ACYP2: variants seen among roughly 807,000 people sequenced by gnomAD.
The protein encoded by ACYP2 is acylphosphatase-2.
In ACYP2, 12 loss-of-function variants were observed where a neutral mutation model predicts 11.2. That is an observed-to-expected ratio of 1.08 (90% CI 0.69 to 1.74). The LOEUF is 1.74. ACYP2 is among the 40% of genes most tolerant of loss of function. The probability of loss-of-function intolerance (pLI) is 0.00; values close to 1 mark genes in which losing one functional copy is unlikely to be tolerated. For missense variants in ACYP2, 134 were observed against 101.9 expected (o/e 1.31, Z -1.35); for synonymous variants, 43 against 32.2 (o/e 1.33, Z -1.13).
chr2:54,216,880 G>A (rs1171777252), intron 6 of ACYP2, among the ~76,000 whole-genome samples: 3 of 152,092 alleles, frequency 2.0e-5, no homozygotes, highest in Admixed American at 1.3e-4. Flanking sequence ...GCACATTCTT[G>A]TTAAGTTTAT....
intron 6 of ACYP2, among the ~76,000 whole-genome samples, chr2:54,163,575 C>T (rs1028640011): frequency 1.3e-5 from 2 of 152,164 alleles, no homozygotes; most frequent in African/African-American, 4.8e-5. Context: ...TTGTTATCGG[C>T]TGGGGGCGGT....
intron 6 of ACYP2, among the ~76,000 whole-genome samples, chr2:54,298,196 A>G (rs138258404): frequency 3.0e-4 from 46 of 152,362 alleles, no homozygotes; most frequent in Middle Eastern, 3.4e-3. Flanking sequence ...AGACTCAGGC[A>G]TATGCACAAA....
chr2:54,123,449 C>CT (rs1209367947), intron 4 of ACYP2: 6 of 398,366 alleles, frequency 1.5e-5, no homozygotes, highest in Non-Finnish European at 2.2e-5. Flanking sequence ...TTCTGCTTTC[C>CT]TTTTTTTGTG....
At chr2:54,169,943 G>T (rs560133875) in intron 6 of ACYP2, among the ~76,000 whole-genome samples, 221 of 152,050 alleles carry the variant, frequency 1.5e-3, no homozygotes, top group African/African-American at 5.1e-3. Context: ...ATATTATCTG[G>T]TGACTTTTTA....
intron 2 of ACYP2, among the ~76,000 whole-genome samples, chr2:54,036,466 C>T (rs1024918058): frequency 1.3e-5 from 2 of 152,170 alleles, no homozygotes; most frequent in African/African-American, 2.4e-5. Context: ...ATTCAGTGTG[C>T]CACAGTGTCT....
At chr2:54,093,003 A>G (rs1678316673) in intron 4 of ACYP2, among the ~76,000 whole-genome samples, 1 of 152,124 alleles carries the variant, frequency 6.6e-6, no homozygotes, top group Non-Finnish European at 1.5e-5. Context: ...CTCTGAAGTG[A>G]GCTCTGAGCT....
At chr2:54,296,119 T>C (rs1403375981) in intron 6 of ACYP2, among the ~76,000 whole-genome samples, 4 of 152,106 alleles carry the variant, frequency 2.6e-5, no homozygotes, top group African/African-American at 9.7e-5. Context: ...AATAAACACA[T>C]AGACAATCAC....
intron 6 of ACYP2, among the ~76,000 whole-genome samples, chr2:54,220,520 T>G (rs1204796511): frequency 1.3e-5 from 2 of 152,222 alleles, no homozygotes; most frequent in Non-Finnish European, 2.9e-5. Flanking sequence ...GATACAATTA[T>G]GAATTTTTTA....
chr2:54,175,427 CT>C (rs1446632840), intron 6 of ACYP2, among the ~76,000 whole-genome samples: 3 of 152,014 alleles, frequency 2.0e-5, no homozygotes, highest in Non-Finnish European at 4.4e-5. Context: ...CTCTTTCCTT[CT>C]TTATTAGTCT....
At chr2:54,001,885 C>T (rs946399257) in intron 2 of ACYP2, among the ~76,000 whole-genome samples, 3 of 152,098 alleles carry the variant, frequency 2.0e-5, no homozygotes, top group Non-Finnish European at 2.9e-5. Context: ...AGAAAAATTG[C>T]GTGAAAAGTA....
chr2:53,975,266 A>T lies in ACYP2; in HGVS notation c.62+1456A>T, dbSNP rs114773574. 3,828 of 398,466 alleles carry T rather than the reference A, an allele frequency of 9.6e-3. 126 individuals carry two copies. Among genetic ancestry groups the T allele is most frequent in the African/African-American group, 0.072 (3,483 of 48,664 alleles). The allele number at this position is 398,466 out of a possible 1,614,324, so 24.7% of individuals were successfully genotyped here. ...TTCAGAGAAGCAGTTCCAGATGACA[A>T]TGAGCTCCCTAGAAACAAACATCTG... On this transcript the variant is annotated intron_variant, in intron 2 of 6. Transcript: ENST00000607452.
intron 4 of ACYP2, among the ~76,000 whole-genome samples, chr2:54,071,814 C>T (rs1377070581): frequency 2.0e-5 from 3 of 152,128 alleles, no homozygotes; most frequent in Admixed American, 2.0e-4. Flanking sequence ...AGTTCGAGAC[C>T]AGCCTGGTCA....
intron 4 of ACYP2, among the ~76,000 whole-genome samples, 197 bp downstream of exon 1, chr2:54,115,953 G>A (rs531388051): frequency 6.6e-6 from 1 of 152,206 alleles, no homozygotes; most frequent in East Asian, 1.9e-4. Flanking sequence ...GGAAGTACGG[G>A]AATGGGGAGG....
chr2:54,013,345 G>A (rs768091908), intron 2 of ACYP2, among the ~76,000 whole-genome samples: 7 of 149,606 alleles, frequency 4.7e-5, no homozygotes, highest in Non-Finnish European at 7.4e-5. Flanking sequence ...TCTGTTGCCC[G>A]GCTGGGGTGC....
Position 54,266,590 on chromosome 2 carries a change from C to CTTTTTTTTTTTTT in ACYP2, c.405-38077_405-38065dup, listed in dbSNP as rs138812389. Among the ~76,000 whole-genome samples the CTTTTTTTTTTTTT allele has an allele frequency of 1.2e-3, 62 of 52,270 alleles. 12 individuals carry two copies. Among genetic ancestry groups the CTTTTTTTTTTTTT allele is most frequent in the Non-Finnish European group, 1.7e-3 (50 of 29,942 alleles). 34.3% of individuals were successfully genotyped at this position (52,270 alleles called of 152,430 possible). On this transcript the variant is annotated intron_variant, in intron 6 of 6. Coordinates refer to ENST00000607452, the MANE Select transcript of ACYP2 (RefSeq NM_001320586.2). ...TAGATAGATATAGATATCTATCTAT[C>CTTTTTTTTTTTTT]TTTTTTTTTTTTTTTTTTTTTTTTT... is the stretch of plus-strand genomic sequence containing the variant.
chr2:54,044,783 G>A (rs1675427815), intron 2 of ACYP2, among the ~76,000 whole-genome samples: 1 of 152,012 alleles, frequency 6.6e-6, no homozygotes, highest in Admixed American at 6.6e-5. Flanking sequence ...CACATCTGCT[G>A]CCATGTTTTA....
At chr2:54,143,742 T>G (rs1472229929) in intron 6 of ACYP2, among the ~76,000 whole-genome samples, 66 of 118,372 alleles carry the variant, frequency 5.6e-4, no homozygotes, top group African/African-American at 2.3e-3. Context: ...GGTTTTTTTT[T>G]TTTTTTTTTT....
intron 6 of ACYP2, 151 bp downstream of exon 3, chr2:54,138,899 C>T (rs1471515716): frequency 1.5e-6 from 1 of 647,808 alleles, no homozygotes; most frequent in African/African-American, 1.8e-5. Context: ...CTCAGATCTC[C>T]CCGACTCAGC....
chr2:54,138,771 T>G (rs781026659), intron 6 of ACYP2, 23 bp downstream of exon 3: 1 of 1,586,066 alleles, frequency 6.3e-7, no homozygotes, highest in Non-Finnish European at 8.6e-7. Flanking sequence ...ATTAATAACA[T>G]GTACATGAAA....
Sources: allele counts gnomAD v4.1 joint callset (sites outside exome capture counted in the v4.1 genomes callset), GRCh38; gene constraint gnomAD v4.1.1; transcripts MANE v1.5; gene names NCBI Gene and HGNC (gene_info 2026-07-23, HGNC 2026-07-21).